The following MSRA variants were observed in gnomAD, a reference collection of about 807,000 sequenced individuals.
MSRA encodes the protein mitochondrial peptide methionine sulfoxide reductase.
Under a neutral mutation model 31.3 loss-of-function variants are expected in MSRA, and 54 were observed. The ratio of observed to expected loss-of-function variants is 1.73; its 90% CI spans 1.39 to 2.17. The LOEUF (loss-of-function observed/expected upper bound fraction) is 2.17. MSRA is among the 30% of genes most tolerant of loss of function. The pLI is 0.00. For synonymous variants in MSRA, 169 were observed against 116.5 expected, an observed-to-expected ratio of 1.45 and a Z score of -2.90; for missense variants, 507 against 300.9, an observed-to-expected ratio of 1.69 and a Z score of -5.07.
chr8:10,145,421 C>G (rs1803061097), intron 1 of MSRA, among the ~76,000 whole-genome samples: 1 of 152,134 alleles, frequency 6.6e-6, no homozygotes, highest in African/African-American at 2.4e-5. Context: ...CAGCATCTCG[C>G]TTGTTGATTC....
chr8:10,319,983 C>T lies in MSRA; in HGVS notation c.537C>T (p.Tyr179=), dbSNP rs144242257. ...MEAALSSKEN[Y]QKVLSEHGFG... ...CAGCCCTGAGCTCCAAAGAGAACTA[C>T]CAAAAGGTAGGGATTGCTGGGCTCC... Residue 179 remains tyrosine, a synonymous_variant, in exon 5 of 6, where the codon TAC becomes TAT. Coordinates refer to ENST00000317173, the MANE Select transcript of MSRA (RefSeq NM_012331.5). 3.8e-6 allele frequency: 6 copies of T among 1,597,438 alleles called. No homozygotes were observed. Among genetic ancestry groups the T allele is most frequent in the African/African-American group, 2.7e-5 (2 of 74,486 alleles).
intron 5 of MSRA, among the ~76,000 whole-genome samples, chr8:10,357,108 G>C (rs932614608): frequency 6.6e-6 from 1 of 152,124 alleles, no homozygotes; most frequent in Non-Finnish European, 1.5e-5. Context: ...ACAAAGTAGT[G>C]ATGCTTTTCA....
chr8:10,171,582 C>A (rs1233083967), intron 1 of MSRA, among the ~76,000 whole-genome samples: 1 of 152,178 alleles, frequency 6.6e-6, no homozygotes, highest in Non-Finnish European at 1.5e-5. Flanking sequence ...CATTGCCCTT[C>A]CCTCAGTGAC....
intron 1 of MSRA, among the ~76,000 whole-genome samples, chr8:10,074,848 G>T (rs540056510): frequency 6.6e-6 from 1 of 151,972 alleles, no homozygotes; most frequent in Non-Finnish European, 1.5e-5. Context: ...ACCCAGAGAC[G>T]GGGGTTCACC....
rs1006445445 is a variant in MSRA at position 10,186,132 on chromosome 8, C to T, written c.143-21701C>T. Among the ~76,000 whole-genome samples the T allele has an allele frequency of 1.7e-4, 26 of 152,200 alleles. 1 individual carries two copies. Among genetic ancestry groups the T allele is most frequent in the Admixed American group, 1.6e-3 (25 of 15,288 alleles). On this transcript the variant is annotated intron_variant, in intron 1 of 5. Transcript: ENST00000317173. ...AGGTGAGCCAGGTTGGCCTTCTGTG[C>T]TCCTGGCCTTTCCTCACGTGGCCCT...
chr8:10,340,571 C>A (rs1437946904), intron 5 of MSRA, among the ~76,000 whole-genome samples: 4 of 152,226 alleles, frequency 2.6e-5, no homozygotes, highest in Admixed American at 2.6e-4. Context: ...CAGGGCCTCG[C>A]CATGTTGGCC....
At chr8:10,249,858 A>G (rs1009814420) in intron 3 of MSRA, among the ~76,000 whole-genome samples, 1 of 152,202 alleles carries the variant, frequency 6.6e-6, no homozygotes, top group Non-Finnish European at 1.5e-5. Flanking sequence ...GGCTGGCACT[A>G]GGGAACCCAG....
chr8:10,237,990 G>A (rs927841751), intron 2 of MSRA, among the ~76,000 whole-genome samples: 7 of 151,954 alleles, frequency 4.6e-5, no homozygotes, highest in African/African-American at 1.2e-4. Context: ...TTCCTCTCCC[G>A]CTCAAAACTC....
chr8:10,129,021 G>C (rs866838697), intron 1 of MSRA, among the ~76,000 whole-genome samples: 5 of 152,180 alleles, frequency 3.3e-5, no homozygotes, highest in African/African-American at 1.2e-4. Context: ...TCACGAGTTT[G>C]CAAGCCCCTT....
At chr8:10,422,686 G>T (rs1293304847) in intron 5 of MSRA, among the ~76,000 whole-genome samples, 2 of 152,196 alleles carry the variant, frequency 1.3e-5, no homozygotes, top group African/African-American at 4.8e-5. Flanking sequence ...TTCCTCCCCT[G>T]AAGTGGAACG....
intron 5 of MSRA, among the ~76,000 whole-genome samples, chr8:10,392,717 C>G (rs761694018): frequency 6.8e-6 from 1 of 147,338 alleles, no homozygotes; most frequent in Non-Finnish European, 1.5e-5. Context: ...TTGGGAAGGT[C>G]AAATTAGCTG....
rs750011537 is a variant in MSRA, at chr8:10,207,910, T to C, written c.211+9T>C. 5 of 1,608,462 alleles carry C rather than the reference T, an allele frequency of 3.1e-6. No homozygotes were observed. The highest frequency in any genetic ancestry group is 1.3e-5 in the African/African-American group (1 of 74,720). On this transcript the variant is annotated intron_variant, in intron 2 of 5. Transcript: ENST00000317173. ...ACAGATGGCTGTATTTGGTAAGATA[T>C]CAATTCTGAAAGAAAACCCAAATTG...
chr8:10,369,242 G>C (rs1805341221), intron 5 of MSRA, among the ~76,000 whole-genome samples: 1 of 147,596 alleles, frequency 6.8e-6, no homozygotes, highest in Non-Finnish European at 1.5e-5. Flanking sequence ...TCCTTTCATA[G>C]AGTTCTTTAA....
chr8:10,214,916 C>A (rs1271250001), intron 2 of MSRA, among the ~76,000 whole-genome samples: 2 of 152,128 alleles, frequency 1.3e-5, no homozygotes, highest in Non-Finnish European at 2.9e-5. Flanking sequence ...GAGAAAGAGA[C>A]CTTTGAAAAC....
intron 1 of MSRA, among the ~76,000 whole-genome samples, chr8:10,059,599 G>A (rs146873116): frequency 1.3e-5 from 2 of 152,238 alleles, no homozygotes; most frequent in East Asian, 1.9e-4. Context: ...ATCGGAAAAC[G>A]TAAGACTGAT....
chr8:10,376,180 C>G (rs1429522822), intron 5 of MSRA, among the ~76,000 whole-genome samples: 3 of 152,312 alleles, frequency 2.0e-5, no homozygotes, highest in African/African-American at 7.2e-5. Flanking sequence ...ATTCCTTTAG[C>G]TAAGTCACTT....
At chr8:10,342,311 A>G (rs1157140570) in intron 5 of MSRA, among the ~76,000 whole-genome samples, 1 of 152,150 alleles carries the variant, frequency 6.6e-6, no homozygotes, top group Non-Finnish European at 1.5e-5. Flanking sequence ...ATTAAAAATT[A>G]AAACTGAGAA....
intron 1 of MSRA, among the ~76,000 whole-genome samples, chr8:10,059,847 A>C (rs576812938): frequency 6.6e-6 from 1 of 152,198 alleles, no homozygotes; most frequent in African/African-American, 2.4e-5. Flanking sequence ...GTTTACAGAA[A>C]AGTACAATTG....
chr8:10,254,041 G>C (rs1350015154), intron 3 of MSRA, among the ~76,000 whole-genome samples: 1 of 152,004 alleles, frequency 6.6e-6, no homozygotes, highest in Non-Finnish European at 1.5e-5. Flanking sequence ...GATCTGCCGG[G>C]GACTCCTCAG....
Sources: allele counts gnomAD v4.1 joint callset (sites outside exome capture counted in the v4.1 genomes callset), GRCh38; gene constraint gnomAD v4.1.1; transcripts MANE v1.5; gene names NCBI Gene and HGNC (gene_info 2026-07-23, HGNC 2026-07-21).